NELFB: variants seen among roughly 807,000 people sequenced by gnomAD.
NELFB encodes negative elongation factor B.
Under a neutral mutation model 60.2 loss-of-function variants are expected in NELFB, and 34 were observed. The observed-to-expected ratio is 0.56, with a 90% CI of 0.43 to 0.75. The LOEUF (loss-of-function observed/expected upper bound fraction) is 0.75. Ranked by LOEUF, NELFB falls within the 30% of genes least tolerant of loss-of-function variation. NELFB has a pLI of 0.00. For missense variants in NELFB, 770 were observed against 831.6 expected, an observed-to-expected ratio of 0.93 and a Z score of 0.91; for synonymous variants, 459 against 382.1, an observed-to-expected ratio of 1.20 and a Z score of -2.35.
At chr9:137,271,735 G>T (rs1185555035) in intron 10 of NELFB, among the ~76,000 whole-genome samples, 1 of 152,146 alleles carries the variant, frequency 6.6e-6, no homozygotes, top group East Asian at 1.9e-4. Context: ...GACTGGAGGA[G>T]CACCTCGTTT....
At chr9:137,270,073 T>G (rs1279904597) in intron 10 of NELFB, among the ~76,000 whole-genome samples, 1 of 152,102 alleles carries the variant, frequency 6.6e-6, no homozygotes, top group Admixed American at 6.6e-5. Flanking sequence ...GGGGTCCACG[T>G]GGGGTCTGCG....
At position 137,266,346 on chromosome 9, in the gene NELFB, C is replaced by G. The variant is rs1446917717; in HGVS notation, c.1159C>G (p.Leu387Val). 6.2e-7 allele frequency: 1 copy of G among 1,612,758 alleles called. No homozygotes were observed. The highest frequency in any genetic ancestry group is 8.5e-7 in the Non-Finnish European group (1 of 1,179,960). The change falls in exon 8 of 13, where the codon CTG (leucine) becomes GTG (valine). Residue 387 changes from leucine to valine, a missense_variant. Physicochemically the swap from Leu to Val is conservative, Grantham distance 32. Transcript: ENST00000343053. ...CTCCCTACAGGACAGCCCCGACCTC[C>G]TGCTGCTGCTCCGGCTGCTGGCGCT...
rs953815688 is a variant in NELFB at position 137,266,517 on chromosome 9, T to C, written c.1239+91T>C. ...GGGGGAGGCGCTAGCAAGGTGATTG[T>C]GGAGGCCCCTTTGGTCCCAAAGCTT... On this transcript the variant is annotated intron_variant, in intron 8 of 12. Coordinates refer to ENST00000343053, the MANE Select transcript of NELFB (RefSeq NM_015456.5). 20 of 1,107,702 alleles carry C rather than the reference T, an allele frequency of 1.8e-5. No individual in the cohort carries two copies. The African/African-American group carries it at 1.9e-4, about 10-fold the overall frequency. 68.6% of individuals were successfully genotyped at this position (1,107,702 alleles called of 1,614,324 possible). A position where few individuals can be genotyped will look rare whatever the true frequency, so the allele number is the denominator to read the frequency against.
rs762944747 is a variant in NELFB, at chr9:137,256,417, C to T, written c.499C>T (p.His167Tyr). Residue 167 changes from histidine to tyrosine, a missense_variant, in exon 3 of 13, where the codon CAC becomes TAC. By Grantham distance (83) the His-to-Tyr change is moderately conservative. Coordinates refer to ENST00000343053, the MANE Select transcript of NELFB (RefSeq NM_015456.5). ...GCCCGTGGTGATGTGCGTCATGAAG[C>T]ACCTGCCCAAGGTAGGGCCCTAACC... The T allele has an allele frequency of 1.2e-6, 2 of 1,613,604 alleles. No individual in the cohort carries two copies. The highest frequency in any genetic ancestry group is 2.2e-5 in the East Asian group (1 of 44,882).
chr9:137,265,253 C>T (rs1830503894), intron 6 of NELFB, among the ~76,000 whole-genome samples: 1 of 151,788 alleles, frequency 6.6e-6, no homozygotes, highest in African/African-American at 2.4e-5. Context: ...ACAAACAATC[C>T]ACCGGCCTCA....
chr9:137,262,144 A>G (rs1301010803), intron 4 of NELFB, among the ~76,000 whole-genome samples: 9 of 152,226 alleles, frequency 5.9e-5, no homozygotes, highest in Non-Finnish European at 8.8e-5. Flanking sequence ...GAAGCACAGC[A>G]TCACAGGGAG....
chr9:137,267,744 G>A (rs1208373480), intron 10 of NELFB, among the ~76,000 whole-genome samples: 1 of 152,064 alleles, frequency 6.6e-6, no homozygotes, highest in Non-Finnish European at 1.5e-5. Flanking sequence ...CGCCCGCCTC[G>A]GCCTCCCAAA....
At position 137,256,155 on chromosome 9, in the gene NELFB, T is replaced by C. The variant is rs1837547463; in HGVS notation, c.410+85T>C. ...GACTCAGGGGCATTTATTGTCCTTT[T>C]GGCTCCACATCCTTGCTCCCAGAGG... On this transcript the variant is annotated intron_variant, in intron 2 of 12. Coordinates refer to ENST00000343053, the MANE Select transcript of NELFB (RefSeq NM_015456.5). The C allele has an allele frequency of 2.7e-6, 4 of 1,475,864 alleles. No homozygotes were observed. In the Admixed American group the frequency reaches 5.1e-5, roughly 19 times the overall value. 91.4% of individuals were successfully genotyped at this position (1,475,864 alleles called of 1,614,324 possible).
chr9:137,270,280 C>G (rs1304583238), intron 10 of NELFB, among the ~76,000 whole-genome samples: 1 of 53,300 alleles, frequency 1.9e-5, no homozygotes, highest in Non-Finnish European at 4.0e-5. Flanking sequence ...GACTCCGTCT[C>G]AAAAAAAAAA....
Position 137,256,424 on chromosome 9 carries a change from C to G in NELFB, c.506C>G (p.Pro169Arg), listed in dbSNP as rs774211433. The change falls in exon 3 of 13, where the codon CCC becomes CGC. Residue 169 changes from proline to arginine, a missense_variant. Transcript: ENST00000343053. ...GTGATGTGCGTCATGAAGCACCTGC[C>G]CAAGGTAGGGCCCTAACCCTAACCC... The G allele has an allele frequency of 6.2e-7, 1 of 1,613,308 alleles. No individual in the cohort carries two copies. The highest frequency in any genetic ancestry group is 8.5e-7 in the Non-Finnish European group (1 of 1,179,812).
Position 137,273,118 on chromosome 9 carries a change from G to T in NELFB, c.*190G>T. ...CTCCCGGACCTTGCCCACCATCCAT[G>T]CAGTGGCTCCCAGGGCAGAGCCTCT... On this transcript the variant is annotated 3_prime_UTR_variant, in exon 13 of 13. Transcript: ENST00000343053. 1.8e-6 allele frequency: 1 copy of T among 558,062 alleles called. No individual in the cohort carries two copies. The highest frequency in any genetic ancestry group is 3.0e-6 in the Non-Finnish European group (1 of 330,338). 34.6% of individuals were successfully genotyped at this position (558,062 alleles called of 1,614,324 possible).
chr9:137,265,554 A>G (rs1830508014), intron 6 of NELFB, among the ~76,000 whole-genome samples: 1 of 151,132 alleles, frequency 6.6e-6, no homozygotes. Context: ...ACGCCCGGCT[A>G]ATTTTTTGTA....
At chr9:137,263,939 G>C (rs922962373) in intron 5 of NELFB, among the ~76,000 whole-genome samples, 4 of 152,206 alleles carry the variant, frequency 2.6e-5, no homozygotes, top group Non-Finnish European at 5.9e-5. Flanking sequence ...TCCGGGACTT[G>C]GGAGTCACCC....
At chr9:137,262,590 A>G (rs1049764106) in intron 4 of NELFB, among the ~76,000 whole-genome samples, 2 of 152,266 alleles carry the variant, frequency 1.3e-5, no homozygotes, top group African/African-American at 4.8e-5. Flanking sequence ...TCTATGATCT[A>G]TATCTAATAT....
chr9:137,271,538 G>A (rs1246383989), intron 10 of NELFB, among the ~76,000 whole-genome samples: 1 of 152,268 alleles, frequency 6.6e-6, no homozygotes, highest in Non-Finnish European at 1.5e-5. Context: ...TGAGGCGTCT[G>A]TGGGCACGAA....
rs746566888 is a variant in NELFB, at chr9:137,267,052, T to C, written c.1348T>C (p.Ser450Pro). The C allele has an allele frequency of 8.7e-6, 14 of 1,614,044 alleles. No individual in the cohort carries two copies. The highest frequency in any genetic ancestry group is 1.3e-5 in the African/African-American group (1 of 75,032). The stretch of plus-strand genomic sequence containing the variant: ...TCCGGCTGAGGAGAAAGCCCCAGTC[T>C]CATATCCAAACACACTTCCCGAAAG... Residue 450 changes from serine to proline, a missense_variant, in exon 9 of 13, where the codon TCA (serine) becomes CCA (proline). Transcript: ENST00000343053.
intron 4 of NELFB, 53 bp from the exon 5 acceptor site, chr9:137,262,984 T>C: frequency 1.3e-6 from 2 of 1,581,942 alleles, no homozygotes; most frequent in Non-Finnish European, 1.7e-6. Flanking sequence ...GACGTCCCTG[T>C]GTCTGGCGGA....
chr9:137,255,943 G>T lies in NELFB; in HGVS notation c.283G>T (p.Ala95Ser). The T allele has an allele frequency of 6.2e-7, 1 of 1,614,068 alleles. No homozygotes were observed. Residue 95 changes from alanine to serine, a missense_variant, in exon 2 of 13, where the codon GCC becomes TCC. Transcript: ENST00000343053. ...TGTGCTGCTGCCATCTCTTCAGTCA[G>T]CCCTCCCCTTCTTGGACCTGCACGG...
At chr9:137,260,045 T>A (rs1564442454) in intron 4 of NELFB, among the ~76,000 whole-genome samples, 1 of 133,740 alleles carries the variant, frequency 7.5e-6, no homozygotes, top group Non-Finnish European at 1.7e-5. Context: ...TTATTTTTAT[T>A]TATTTTATTT....
Sources: allele counts gnomAD v4.1 joint callset (sites outside exome capture counted in the v4.1 genomes callset), GRCh38; gene constraint gnomAD v4.1.1; transcripts MANE v1.5; gene names NCBI Gene and HGNC (gene_info 2026-07-23, HGNC 2026-07-21).